The following MORN1 variants were observed in gnomAD, a reference collection of about 807,000 sequenced individuals.
MORN1 encodes the protein MORN repeat containing 1, also known as MORN repeat-containing protein 1.
In MORN1, 67 loss-of-function variants were observed where a neutral mutation model predicts 61.9. That is an observed-to-expected ratio of 1.08 (90% confidence interval 0.89 to 1.33). The LOEUF is 1.33. Among genes scored for constraint, MORN1 ranks in the 40% most tolerant of loss-of-function variants. MORN1 has a pLI of 0.00. For missense variants in MORN1, 752 were observed against 691.2 expected, an observed-to-expected ratio of 1.09 and a Z score of -0.99; for synonymous variants, 301 against 292.0, an observed-to-expected ratio of 1.03 and a Z score of -0.31.
chr1:2,369,577 T>C (rs1041615529), intron 8 of MORN1, among the ~76,000 whole-genome samples: 1 of 151,970 alleles, frequency 6.6e-6, no homozygotes, highest in Non-Finnish European at 1.5e-5. Context: ...AACTAATAAA[T>C]GAGTAAAGCA....
Position 2,331,116 on chromosome 1 carries a change from G to A in MORN1, c.1250+5353C>T, listed in dbSNP as rs115421586. On this transcript the variant is annotated intron_variant, in intron 12 of 13. Coordinates refer to ENST00000378531, the MANE Select transcript of MORN1 (RefSeq NM_024848.3). ...CTGTGTCTACCGCCCACTACAGGGA[G>A]GGCCATCCCGTCCACCCTGTCTCCC... Among the ~76,000 whole-genome samples the A allele has an allele frequency of 4.7e-3, 719 of 152,274 alleles. 8 individuals carry two copies. Among genetic ancestry groups the A allele is most frequent in the African/African-American group, 0.015 (639 of 41,562 alleles).
chr1:2,321,465 T>C lies in MORN1; in HGVS notation c.1412A>G (p.His471Arg). The change falls in exon 14 of 14, where the codon CAT becomes CGT. Residue 471 changes from histidine to arginine, a missense_variant. Physicochemically the swap from His to Arg is conservative, Grantham distance 29. Coordinates refer to ENST00000378531, the MANE Select transcript of MORN1 (RefSeq NM_024848.3). ...VVAKRAGQPP[H>R]VLEEGPEASS... The stretch of plus-strand genomic sequence containing the variant: ...GGCTTCAGGGCCTTCTTCCAGGACA[T>C]GGGGTGGCTGGCCAGCCCTCTTCGC... 1 of 1,536,820 alleles carries C rather than the reference T, an allele frequency of 6.5e-7. No homozygotes were observed. The highest frequency in any genetic ancestry group is 1.2e-5 in the South Asian group (1 of 82,860).
intron 5 of MORN1, chr1:2,385,330 AC>A: frequency 1.9e-6 from 1 of 536,814 alleles, no homozygotes; most frequent in Non-Finnish European, 3.3e-6. Context: ...ATGGGAAATG[AC>A]CCAGGAGAGG....
chr1:2,388,973 G>A (rs1439760429), intron 2 of MORN1, among the ~76,000 whole-genome samples: 2 of 151,814 alleles, frequency 1.3e-5, no homozygotes, highest in Non-Finnish European at 1.5e-5. Context: ...TTAGCTGGGC[G>A]TGGTGGCAGG....
intron 6 of MORN1, among the ~76,000 whole-genome samples, chr1:2,384,199 C>A (rs954663900): frequency 3.3e-5 from 5 of 152,188 alleles, no homozygotes. Flanking sequence ...CTGAACCAGG[C>A]CCCACTGTCC....
intron 12 of MORN1, among the ~76,000 whole-genome samples, chr1:2,327,191 GAC>G: frequency 8.2e-6 from 1 of 122,080 alleles, no homozygotes; most frequent in Non-Finnish European, 1.8e-5. Context: ...GAGACACAGA[GAC>G]ACAGAAACAC....
In MORN1 at chr1:2,323,543, TG is replaced by T. The variant is rs1012251814; in HGVS notation, c.1297+553del. On this transcript the variant is annotated intron_variant, in intron 13 of 13. Coordinates refer to ENST00000378531, the MANE Select transcript of MORN1 (RefSeq NM_024848.3). The stretch of plus-strand genomic sequence containing the variant: ...CTGGCATTCGGCCCCTCTGGCTTGG[TG>T]GGGGGGTGCCAGGCCCAGGCTGTGG... 26 of 985,094 alleles carry T rather than the reference TG, an allele frequency of 2.6e-5. No individual in the cohort carries two copies. In the Middle Eastern group the frequency reaches 1.5e-3, roughly 59 times the overall value. The allele number at this position is 985,094 out of a possible 1,614,324, so 61.0% of individuals were successfully genotyped here.
At position 2,372,732 on chromosome 1, in the gene MORN1, C is replaced by A; in HGVS notation, c.635-141G>T. The A allele has an allele frequency of 3.3e-6, 2 of 611,390 alleles. No individual in the cohort carries two copies. The highest frequency in any genetic ancestry group is 2.9e-6 in the Non-Finnish European group (1 of 344,896). 37.9% of individuals were successfully genotyped at this position (611,390 alleles called of 1,614,324 possible). On this transcript the variant is annotated intron_variant, in intron 7 of 13. Coordinates refer to ENST00000378531, the MANE Select transcript of MORN1 (RefSeq NM_024848.3). This position sits in a 1 kb window ranked among gnomAD's most constrained non-coding sequence, Gnocchi z 5.4. ...AACACAAGCACATGCGGGGGCCGAC[C>A]CTCCGCAAACCACCTTGCAGAGCAG... is the stretch of plus-strand genomic sequence containing the variant.
intron 10 of MORN1, among the ~76,000 whole-genome samples, chr1:2,341,260 C>T (rs998829748): frequency 2.0e-5 from 3 of 152,320 alleles, no homozygotes; most frequent in Non-Finnish European, 2.9e-5. Context: ...TGCTGCTGAC[C>T]GTGCGATGGC....
At position 2,354,022 on chromosome 1, in the gene MORN1, C is replaced by T. The variant is rs57209079; in HGVS notation, c.1036+3410G>A. On this transcript the variant is annotated intron_variant, in intron 10 of 13. Transcript: ENST00000378531. ...TAAAGAGGCCGGGCATGGTGGCTCACGCCTGTGATCCCAGCACTTTGAGGG... is the reference window on the plus strand; with the variant it reads ...TAAAGAGGCCGGGCATGGTGGCTCATGCCTGTGATCCCAGCACTTTGAGGG... Among the ~76,000 whole-genome samples the T allele has an allele frequency of 4.8e-3, 725 of 151,508 alleles. 7 individuals carry two copies. Among genetic ancestry groups the T allele is most frequent in the African/African-American group, 0.017 (695 of 41,316 alleles).
chr1:2,383,491 C>T (rs990768880), intron 6 of MORN1, among the ~76,000 whole-genome samples: 3 of 152,364 alleles, frequency 2.0e-5, no homozygotes, highest in South Asian at 2.1e-4. Flanking sequence ...AACCACTGCT[C>T]CAACTTTCAT....
At chr1:2,364,701 G>A (rs1641964161) in intron 8 of MORN1, among the ~76,000 whole-genome samples, 2 of 151,488 alleles carry the variant, frequency 1.3e-5, no homozygotes, top group South Asian at 2.1e-4. Context: ...TAGGTCTAAC[G>A]TTTAAATCTT....
At chr1:2,374,801 T>C (rs900564315) in intron 6 of MORN1, 29 of 485,914 alleles carry the variant, frequency 6.0e-5, no homozygotes, top group African/African-American at 4.9e-4. Context: ...CCAGGAGGTA[T>C]GGGAACAACG....
intron 12 of MORN1, chr1:2,332,524 G>C: frequency 2.3e-6 from 1 of 442,822 alleles, no homozygotes; most frequent in South Asian, 1.6e-5. Context: ...CACGCAGGCC[G>C]CTAGGACCTG....
intron 13 of MORN1, chr1:2,322,148 G>A (rs1037603210): frequency 7.1e-6 from 7 of 985,406 alleles, no homozygotes; most frequent in Middle Eastern, 5.2e-4. Flanking sequence ...CGGCAGAGAA[G>A]GAAAAGTACT....
rs1204438275 is a variant in MORN1, at chr1:2,357,045, C to A, written c.1036+387G>T. Among the ~76,000 whole-genome samples the A allele has an allele frequency of 6.6e-6, 1 of 152,158 alleles. No individual in the cohort carries two copies. Among genetic ancestry groups the A allele is most frequent in the African/African-American group, 2.4e-5 (1 of 41,438 alleles). ...CAGTCGGCGCCGCGGCCCCCAGAGC[C>A]ATGGCCGGCGGCTGCTGTGAGGGCT... On this transcript the variant is annotated intron_variant, in intron 10 of 13. Transcript: ENST00000378531. This position sits in a 1 kb window ranked among gnomAD's most constrained non-coding sequence, Gnocchi z 6.3.
rs761151608 is a variant in MORN1 at position 2,336,730 on chromosome 1, T to C, written c.1157A>G (p.Asp386Gly). ...GTGGGCACCCACCTTGTGGAGGCTG[T>C]CCAGGAACAGGAAGGGGTGGTACCC... ...PPGYHPFLFLDSLHKKAGGRS... is the reference protein window; with the variant it reads ...PPGYHPFLFLGSLHKKAGGRS... The change falls in exon 11 of 14, where the codon GAC (aspartate) becomes GGC (glycine). Residue 386 changes from aspartate (D) to glycine (G), a missense_variant. Coordinates refer to ENST00000378531, the MANE Select transcript of MORN1 (RefSeq NM_024848.3). The C allele has an allele frequency of 1.3e-6, 2 of 1,578,800 alleles. No homozygotes were observed. Among genetic ancestry groups the C allele is most frequent in the South Asian group, 1.2e-5 (1 of 84,966 alleles).
intron 12 of MORN1, among the ~76,000 whole-genome samples, chr1:2,329,459 C>T (rs753997728): frequency 6.6e-5 from 10 of 152,216 alleles, no homozygotes; most frequent in African/African-American, 2.2e-4. Flanking sequence ...TCCCTGCAGC[C>T]GATCCCATTG....
At chr1:2,378,736 G>A (rs907265456) in intron 6 of MORN1, 22 of 360,698 alleles carry the variant, frequency 6.1e-5, no homozygotes, top group African/African-American at 2.8e-4. Flanking sequence ...GTCTCCCACC[G>A]AGGATGTTCT....
Sources: allele counts gnomAD v4.1 joint callset (sites outside exome capture counted in the v4.1 genomes callset), GRCh38; gene constraint gnomAD v4.1.1; non-coding constraint Gnocchi (gnomAD v3.1); transcripts MANE v1.5; gene names NCBI Gene and HGNC (gene_info 2026-07-23, HGNC 2026-07-21).